CNTNAP3: variants seen among roughly 807,000 people sequenced by gnomAD.
CNTNAP3 encodes the protein contactin-associated protein-like 3.
CNTNAP3 carries 36 observed loss-of-function variants against 92.1 expected under a neutral mutation model. The ratio of observed to expected loss-of-function variants is 0.39; its 90% CI spans 0.30 to 0.52. CNTNAP3 has a LOEUF of 0.52. CNTNAP3 is among the 20% of genes least tolerant of loss of function. The probability of loss-of-function intolerance (pLI) is 0.76; values close to 1 mark genes in which losing one functional copy is unlikely to be tolerated. For missense variants in CNTNAP3, 534 were observed against 1,069.6 expected (o/e 0.50, Z 6.98); for synonymous variants, 232 against 422.3 (o/e 0.55, Z 5.53).
chr9:39,147,139 T>C (rs138094858), intron 10 of CNTNAP3, among the ~76,000 whole-genome samples: 4,621 of 152,278 alleles, frequency 0.03, 125 homozygotes, highest in South Asian at 0.11. Flanking sequence ...CTTCACCTTC[T>C]GCTATCATTG....
intron 18 of CNTNAP3, among the ~76,000 whole-genome samples, chr9:39,097,750 T>C (rs1826359537): frequency 6.9e-6 from 1 of 144,174 alleles, no homozygotes; most frequent in South Asian, 2.3e-4. Flanking sequence ...GAGCTAGGGA[T>C]GGGGAGGTGC....
chr9:39,106,456 T>C (rs534258358), intron 15 of CNTNAP3: 9 of 152,006 alleles, frequency 5.9e-5, no homozygotes, highest in African/African-American at 2.2e-4. Flanking sequence ...AGCTAATTTT[T>C]AGTTTTTTTG....
rs574919149 is a variant in CNTNAP3, at chr9:39,104,219, G to A, written c.2366-305C>T. Among the ~76,000 whole-genome samples, 1,233 of 152,124 alleles carry A rather than the reference G, an allele frequency of 8.1e-3. 9 individuals are homozygous for A. Among genetic ancestry groups the A allele is most frequent in the African/African-American group, 0.028 (1,146 of 41,486 alleles). On this transcript the variant is annotated intron_variant, in intron 15 of 23. Transcript: ENST00000297668. ...GGGTCAAGTTCAGAATCACCTCAAA[G>A]GTACGACCAACAGAACTTACTGAAG...
rs1825578108 is a variant in CNTNAP3 at position 39,069,030 on chromosome 9, A to ATATG, written c.*4859_*4860insCATA. ...TATAAACACACATACACATATATAT[A>ATATG]TGTATGTATATAACACACATGAATC... is the stretch of plus-strand genomic sequence containing the variant. On this transcript the variant is annotated 3_prime_UTR_variant, in exon 24 of 24. Coordinates refer to ENST00000297668, the MANE Select transcript of CNTNAP3 (RefSeq NM_033655.5). Among the ~76,000 whole-genome samples the ATATG allele has an allele frequency of 6.6e-6, 1 of 151,008 alleles. No individual in the cohort carries two copies. The highest frequency in any genetic ancestry group is 6.6e-5 in the Admixed American group (1 of 15,204).
At chr9:39,138,242 G>A (rs1432718594) in intron 12 of CNTNAP3, among the ~76,000 whole-genome samples, 1 of 152,076 alleles carries the variant, frequency 6.6e-6, no homozygotes, top group African/African-American at 2.4e-5. Flanking sequence ...GCTGTAAAGA[G>A]GCCTGCAGTA....
chr9:39,140,696 T>C lies in CNTNAP3; in HGVS notation c.1757-58A>G. The C allele has an allele frequency of 2.6e-6, 4 of 1,522,962 alleles. No homozygotes were observed. In the South Asian group the frequency reaches 4.0e-5, roughly 15 times the overall value. The allele number at this position is 1,522,962 out of a possible 1,614,324, so 94.3% of individuals were successfully genotyped here. ...AAAATATCTCCAGATGTTGAGTCAG[T>C]GTCCAAAGGTTTGCATTTCTGAATT... On this transcript the variant is annotated intron_variant, in intron 11 of 23. Coordinates refer to ENST00000297668, the MANE Select transcript of CNTNAP3 (RefSeq NM_033655.5).
chr9:39,108,298 C>T (rs988771208), intron 15 of CNTNAP3, among the ~76,000 whole-genome samples: 3 of 151,754 alleles, frequency 2.0e-5, no homozygotes, highest in East Asian at 1.9e-4. Context: ...GGAGTGAGTA[C>T]GCATCGATAG....
intron 14 of CNTNAP3, chr9:39,117,800 T>G (rs10974149): frequency 0.17 from 62,628 of 360,866 alleles, 6,341 homozygotes; most frequent in East Asian, 0.2. Context: ...ACTACGTTAA[T>G]TAATTAACTA....
intron 23 of CNTNAP3, among the ~76,000 whole-genome samples, chr9:39,075,658 A>G (rs1051789719): frequency 2.5e-5 from 1 of 39,260 alleles, no homozygotes; most frequent in African/African-American, 8.5e-5. Flanking sequence ...AAACACACGT[A>G]TTCCACTAGT....
rs4057871 is a variant in CNTNAP3 at position 39,179,286 on chromosome 9, T to TACACACACACACACACAC, written c.539-944_539-927dup. Among the ~76,000 whole-genome samples, 74 of 80,750 alleles carry TACACACACACACACACAC rather than the reference T, an allele frequency of 9.2e-4. 2 individuals are homozygous for TACACACACACACACACAC. Among genetic ancestry groups the TACACACACACACACACAC allele is most frequent in the East Asian group, 5.8e-3 (14 of 2,428 alleles). The allele number at this position is 80,750 out of a possible 152,430, so 53.0% of individuals were successfully genotyped here. A position where few individuals can be genotyped will look rare whatever the true frequency, so the allele number is the denominator to read the frequency against. ...AATTCCTTAAAACTCTCTCTCTCTC[T>TACACACACACACACACAC]ACACACACACACACACACACACACA... On this transcript the variant is annotated intron_variant, in intron 4 of 23. Transcript: ENST00000297668.
intron 13 of CNTNAP3, among the ~76,000 whole-genome samples, chr9:39,119,199 T>G (rs1243657857): frequency 6.6e-6 from 1 of 152,086 alleles, no homozygotes; most frequent in Non-Finnish European, 1.5e-5. Flanking sequence ...GTGGTGCTGT[T>G]TTTCAAATTT....
chr9:39,140,290 T>C (rs527705175), intron 12 of CNTNAP3, among the ~76,000 whole-genome samples: 4 of 152,178 alleles, frequency 2.6e-5, no homozygotes, highest in African/African-American at 4.8e-5. Context: ...ACGAAGAGTG[T>C]AGGAGCTAGA....
At chr9:39,129,793 A>C (rs1587722660) in intron 13 of CNTNAP3, among the ~76,000 whole-genome samples, 2 of 152,170 alleles carry the variant, frequency 1.3e-5, no homozygotes, top group East Asian at 3.8e-4. Context: ...GTAACAAAAC[A>C]AATCCAAACA....
At chr9:39,098,974 CTTT>C (rs201666622) in intron 18 of CNTNAP3, among the ~76,000 whole-genome samples, 62 of 144,376 alleles carry the variant, frequency 4.3e-4, no homozygotes, top group African/African-American at 9.6e-4. Flanking sequence ...TTTTCCTTTT[CTTT>C]TTTTTTTTTT....
At chr9:39,133,830 T>C (rs186069541) in intron 12 of CNTNAP3, among the ~76,000 whole-genome samples, 1 of 152,178 alleles carries the variant, frequency 6.6e-6, no homozygotes. Context: ...TTGAGTTCTT[T>C]AGTGTTCCCA....
chr9:39,117,602 G>A (rs1820890272), intron 14 of CNTNAP3, among the ~76,000 whole-genome samples: 1 of 152,278 alleles, frequency 6.6e-6, no homozygotes, highest in East Asian at 1.9e-4. Flanking sequence ...CTATTGCACT[G>A]AAGATTTCAA....
chr9:39,149,715 A>G (rs1821795065), intron 10 of CNTNAP3, 91 bp downstream of exon 10: 16 of 699,570 alleles, frequency 2.3e-5, no homozygotes, highest in Non-Finnish European at 3.9e-5. Flanking sequence ...AACAACAAAA[A>G]AGAGAACGGA....
intron 19 of CNTNAP3, among the ~76,000 whole-genome samples, chr9:39,087,643 T>C (rs963212821): frequency 2.8e-4 from 43 of 152,200 alleles, no homozygotes; most frequent in African/African-American, 8.9e-4. Flanking sequence ...CCCACCACCA[T>C]GCCCGGCTCA....
intron 15 of CNTNAP3, among the ~76,000 whole-genome samples, chr9:39,106,812 A>C (rs1826616695): frequency 6.6e-6 from 1 of 152,100 alleles, no homozygotes; most frequent in Non-Finnish European, 1.5e-5. Context: ...ACAAATTTCC[A>C]GGGGTTATTA....
Sources: gnomAD v4.1 joint callset for allele counts (sites outside exome capture counted in the v4.1 genomes callset) on GRCh38, gnomAD v4.1.1 for gene constraint, MANE v1.5 for transcripts, NCBI Gene and HGNC (gene_info 2026-07-23, HGNC 2026-07-21) for gene names.